Variants in FBXL17 observed in about 807,000 individuals in gnomAD.
The protein encoded by FBXL17 is F-box/LRR-repeat protein 17.
In FBXL17, 22 loss-of-function variants were observed where a neutral mutation model predicts 66.2. That is an observed-to-expected ratio of 0.33 (90% CI 0.24 to 0.47). The LOEUF (loss-of-function observed/expected upper bound fraction) is 0.47, where lower values mean the gene tolerates loss of function less well. Ranked by LOEUF, FBXL17 falls within the 20% of genes least tolerant of loss-of-function variation. The probability of loss-of-function intolerance (pLI) is 1.00; values close to 1 mark genes in which losing one functional copy is unlikely to be tolerated. For missense variants in FBXL17, 878 were observed against 948.2 expected, an observed-to-expected ratio of 0.93 and a Z score of 0.97; for synonymous variants, 474 against 400.5, an observed-to-expected ratio of 1.18 and a Z score of -2.19.
intron 7 of FBXL17, among the ~76,000 whole-genome samples, chr5:108,015,770 G>C (rs1402619611): frequency 6.6e-6 from 1 of 152,128 alleles, no homozygotes; most frequent in East Asian, 1.9e-4. Flanking sequence ...AAAAGGGTTG[G>C]TATCCCAAGG....
chr5:108,224,209 T>A lies in FBXL17; in HGVS notation c.1526A>T (p.Lys509Ile). Residue 509 changes from lysine to isoleucine, a missense_variant, in exon 5 of 9, where the codon AAA (lysine) becomes ATA (isoleucine). Physicochemically the swap from Lys to Ile is moderately radical, Grantham distance 102 (BLOSUM62 -3). Around this residue, in one of 4 missense-constraint regions of FBXL17, gnomAD observed 236 missense variants for 389.1 expected, o/e 0.61. Transcript: ENST00000542267. ...CTCAGGACAGTGTTCAGCAAATGCTTTCACTGACTGATCTGTCACCTAGGG... is the reference window on the plus strand; with the variant it reads ...CTCAGGACAGTGTTCAGCAAATGCTATCACTGACTGATCTGTCACCTAGGG... ...ENKLVTDQSV[K>I]AFAEHCPELQ... 1 of 1,602,332 alleles carries A rather than the reference T, an allele frequency of 6.2e-7. No individual in the cohort carries two copies. The highest frequency in any genetic ancestry group is 8.5e-7 in the Non-Finnish European group (1 of 1,171,204).
intron 4 of FBXL17, among the ~76,000 whole-genome samples, chr5:108,249,969 A>C (rs923674425): frequency 6.6e-6 from 1 of 152,148 alleles, no homozygotes; most frequent in Admixed American, 6.6e-5. Context: ...ACATCCAGGC[A>C]ACACATTTTT....
intron 6 of FBXL17, among the ~76,000 whole-genome samples, chr5:108,053,843 A>G (rs1194754746): frequency 6.6e-6 from 1 of 152,238 alleles, no homozygotes; most frequent in African/African-American, 2.4e-5. Context: ...TTACAATACC[A>G]AAGTCATAGA....
chr5:108,211,785 G>C (rs1754383447), intron 5 of FBXL17, among the ~76,000 whole-genome samples: 1 of 152,158 alleles, frequency 6.6e-6, no homozygotes, highest in Admixed American at 6.5e-5. Context: ...CAACCTTGGT[G>C]AATCTGATGA....
intron 1 of FBXL17, among the ~76,000 whole-genome samples, chr5:108,369,463 G>A (rs184954320): frequency 1.3e-5 from 2 of 152,266 alleles, no homozygotes; most frequent in East Asian, 1.9e-4. Context: ...ATGTGGCTCA[G>A]AGTAAATCTC....
At chr5:107,957,148 T>C (rs1027779772) in intron 7 of FBXL17, among the ~76,000 whole-genome samples, 6 of 152,200 alleles carry the variant, frequency 3.9e-5, no homozygotes, top group African/African-American at 9.6e-5. Context: ...AACCTTTCGG[T>C]GTCACTGATT....
intron 7 of FBXL17, among the ~76,000 whole-genome samples, chr5:107,949,340 G>C (rs1751421827): frequency 6.6e-6 from 1 of 152,170 alleles, no homozygotes; most frequent in Non-Finnish European, 1.5e-5. Flanking sequence ...GGCAAGTAGG[G>C]AGGTAAGGGG....
At chr5:108,011,296 G>C (rs1240311396) in intron 7 of FBXL17, among the ~76,000 whole-genome samples, 4 of 152,170 alleles carry the variant, frequency 2.6e-5, no homozygotes, top group Non-Finnish European at 4.4e-5. Flanking sequence ...GACAGCACTT[G>C]GGAATAGAAG....
chr5:108,318,982 ATGAC>A (rs1383036873), intron 4 of FBXL17, among the ~76,000 whole-genome samples: 2 of 152,000 alleles, frequency 1.3e-5, no homozygotes, highest in Non-Finnish European at 2.9e-5. Flanking sequence ...AAACCCAACC[ATGAC>A]TGACTATGAC....
chr5:108,271,827 G>A (rs1249985484), intron 4 of FBXL17, among the ~76,000 whole-genome samples: 3 of 152,110 alleles, frequency 2.0e-5, no homozygotes, highest in Non-Finnish European at 4.4e-5. Flanking sequence ...CTCCAAAACA[G>A]GAATTTCTGG....
Position 107,928,572 on chromosome 5 carries a change from T to C in FBXL17, c.1823-47393A>G, listed in dbSNP as rs1356587385. Among the ~76,000 whole-genome samples, 5 of 152,148 alleles carry C rather than the reference T, an allele frequency of 3.3e-5. No homozygotes were observed. In the East Asian group the frequency reaches 5.8e-4, roughly 18 times the overall value. On this transcript the variant is annotated intron_variant, in intron 7 of 8. Transcript: ENST00000542267. ...GTAATATTACTTCTAAGTAATCTTA[T>C]ATGCTCAGATTTGAGAAAGATAAGT...
chr5:108,115,769 A>T (rs1750224348), intron 6 of FBXL17, among the ~76,000 whole-genome samples: 1 of 152,240 alleles, frequency 6.6e-6, no homozygotes, highest in South Asian at 2.1e-4. Flanking sequence ...GAGCAAGATG[A>T]AAAGCAGTAA....
intron 7 of FBXL17, among the ~76,000 whole-genome samples, chr5:107,963,519 T>C (rs1272955673): frequency 6.6e-6 from 1 of 152,176 alleles, no homozygotes; most frequent in African/African-American, 2.4e-5. Flanking sequence ...TAATGGTGGA[T>C]TCTCTAGTTA....
chr5:108,070,673 A>G lies in FBXL17; in HGVS notation c.1746-49672T>C, dbSNP rs562651908. 7.2e-5 allele frequency among the ~76,000 whole-genome samples: 11 copies of G among 152,364 alleles called. No homozygotes were observed. The South Asian group carries it at 2.3e-3, about 32-fold the overall frequency. On this transcript the variant is annotated intron_variant, in intron 6 of 8. Transcript: ENST00000542267. ...TGAAAACATAGATATAAAGATATCC[A>G]AGTTAATGTCAATTAAAAATACACA...
At chr5:108,282,538 G>C (rs190259483) in intron 4 of FBXL17, among the ~76,000 whole-genome samples, 2 of 151,580 alleles carry the variant, frequency 1.3e-5, no homozygotes, top group Admixed American at 6.6e-5. Context: ...GGCTATATAC[G>C]ACAAAACCAC....
intron 6 of FBXL17, among the ~76,000 whole-genome samples, chr5:108,074,051 T>C (rs1227471968): frequency 2.6e-5 from 4 of 152,194 alleles, no homozygotes; most frequent in African/African-American, 9.7e-5. Flanking sequence ...TTACCACCAT[T>C]ACCTGTTTTG....
intron 4 of FBXL17, among the ~76,000 whole-genome samples, chr5:108,312,250 AAC>A (rs1759157417): frequency 6.6e-6 from 1 of 152,154 alleles, no homozygotes; most frequent in Non-Finnish European, 1.5e-5. Flanking sequence ...TCCCATAAAA[AAC>A]ACAATTTTTA....
At chr5:108,373,526 A>G (rs1259048725) in intron 1 of FBXL17, among the ~76,000 whole-genome samples, 1 of 151,736 alleles carries the variant, frequency 6.6e-6, no homozygotes, top group Non-Finnish European at 1.5e-5. Context: ...CAAAAAATAT[A>G]TAAGACATAG....
intron 7 of FBXL17, among the ~76,000 whole-genome samples, chr5:107,981,360 C>T (rs895239353): frequency 1.4e-4 from 22 of 152,250 alleles, no homozygotes; most frequent in Admixed American, 7.9e-4. Context: ...CACATCTGTG[C>T]TGGTCACGGA....
Sources: allele counts gnomAD v4.1 joint callset (sites outside exome capture counted in the v4.1 genomes callset), GRCh38; gene constraint gnomAD v4.1.1; regional missense constraint gnomAD v4.1.1; transcripts MANE v1.5; gene names NCBI Gene and HGNC (gene_info 2026-07-23, HGNC 2026-07-21).